Variants in ZDHHC3 observed in about 807,000 individuals in gnomAD.
ZDHHC3 encodes the protein palmitoyltransferase ZDHHC3.
ZDHHC3 carries 9 observed loss-of-function variants against 30.6 expected under a neutral mutation model. The ratio of observed to expected loss-of-function variants is 0.29; its 90% confidence interval spans 0.18 to 0.51. The LOEUF (loss-of-function observed/expected upper bound fraction) is 0.51, where lower values mean the gene tolerates loss of function less well. Ranked by LOEUF, ZDHHC3 falls within the 20% of genes least tolerant of loss-of-function variation. The pLI is 0.97. For synonymous variants in ZDHHC3, 136 were observed against 140.2 expected (o/e 0.97, Z 0.21); for missense variants, 246 against 384.2 (o/e 0.64, Z 3.01).
intron 2 of ZDHHC3, among the ~76,000 whole-genome samples, chr3:44,957,752 T>C (rs1474018554): frequency 6.6e-6 from 1 of 152,138 alleles, no homozygotes; most frequent in East Asian, 1.9e-4. Context: ...CCACCCTTGT[T>C]CTCCCACAGC....
rs114181298 is a variant in ZDHHC3, at chr3:44,923,081, G to T, written c.*3608C>A. On this transcript the variant is annotated 3_prime_UTR_variant, in exon 7 of 7. Transcript: ENST00000424952. ...CCTCACATACATGTTTAAAATGTTT[G>T]TTTTTTTTTTTTGAGACGGAGTCTC... 7,426 of 914,926 alleles carry T rather than the reference G, an allele frequency of 8.1e-3. 274 individuals are homozygous for T. In the African/African-American group the frequency reaches 0.11, roughly 14 times the overall value. 56.7% of individuals were successfully genotyped at this position (914,926 alleles called of 1,614,324 possible). A position where few individuals can be genotyped will look rare whatever the true frequency, so the allele number is the denominator to read the frequency against.
chr3:44,926,956 C>T (rs1230208656), intron 6 of ZDHHC3, 109 bp from the exon 7 acceptor site: 17 of 1,387,018 alleles, frequency 1.2e-5, no homozygotes, highest in Non-Finnish European at 1.4e-5. Flanking sequence ...CTTTTTAAAG[C>T]AACAAAGCTA....
Position 44,922,810 on chromosome 3 carries a change from T to C in ZDHHC3, c.*3879A>G. Reference sequence around the variant, plus strand: ...AACAAGTTCTCAGGTGATGCTGATGTTGACGTTGCTGGTCTGGCAACCTCA... The same window carrying C: ...AACAAGTTCTCAGGTGATGCTGATGCTGACGTTGCTGGTCTGGCAACCTCA... On this transcript the variant is annotated 3_prime_UTR_variant, in exon 7 of 7. Coordinates refer to ENST00000424952, the MANE Select transcript of ZDHHC3 (RefSeq NM_001135179.2). 1.0e-6 allele frequency: 1 copy of C among 985,346 alleles called. No homozygotes were observed. The highest frequency in any genetic ancestry group is 1.2e-6 in the Non-Finnish European group (1 of 829,876). The allele number at this position is 985,346 out of a possible 1,614,324, so 61.0% of individuals were successfully genotyped here. A position where few individuals can be genotyped will look rare whatever the true frequency, so the allele number is the denominator to read the frequency against.
At chr3:44,929,219 T>C in intron 6 of ZDHHC3, 87 bp downstream of exon 6, 1 of 1,530,896 alleles carries the variant, frequency 6.5e-7, no homozygotes, top group African/African-American at 1.4e-5. Flanking sequence ...GGCTCCAGTC[T>C]GACTGTGAGC....
rs958829502 is a variant in ZDHHC3, at chr3:44,925,403, G to A, written c.*1286C>T. 7.1e-6 allele frequency: 7 copies of A among 985,542 alleles called. No homozygotes were observed. The highest frequency in any genetic ancestry group is 4.7e-5 in the South Asian group (1 of 21,296). The allele number at this position is 985,542 out of a possible 1,614,324, so 61.0% of individuals were successfully genotyped here. A position where few individuals can be genotyped will look rare whatever the true frequency, so the allele number is the denominator to read the frequency against. ...ACAAATCAATGTGTGAGAATTCCCC[G>A]ATGGTCAATAATCATATTTGTTATT... On this transcript the variant is annotated 3_prime_UTR_variant, in exon 7 of 7. Transcript: ENST00000424952.
In ZDHHC3 at chr3:44,932,614, A is replaced by G. The variant is rs149150119; in HGVS notation, c.610+504T>C. On this transcript the variant is annotated intron_variant, in intron 5 of 6. Transcript: ENST00000424952. ...TCTAAAGCAGGAAGAATTATCTACAATCTTAATGTAAATTCACGATTATCA... is the reference window on the plus strand; with the variant it reads ...TCTAAAGCAGGAAGAATTATCTACAGTCTTAATGTAAATTCACGATTATCA... Among the ~76,000 whole-genome samples the G allele has an allele frequency of 3.4e-3, 511 of 152,332 alleles. 2 individuals are homozygous for G. Among genetic ancestry groups the G allele is most frequent in the African/African-American group, 0.011 (463 of 41,572 alleles).
intron 3 of ZDHHC3, among the ~76,000 whole-genome samples, chr3:44,940,369 G>A (rs572776496): frequency 3.3e-4 from 50 of 152,256 alleles, no homozygotes; most frequent in African/African-American, 1.2e-3. Context: ...CATCTTCCCC[G>A]TTTTGGCTGT....
At position 44,922,575 on chromosome 3, in the gene ZDHHC3, C is replaced by T; in HGVS notation, c.*4114G>A. 1.0e-6 allele frequency: 1 copy of T among 985,402 alleles called. No individual in the cohort carries two copies. The highest frequency in any genetic ancestry group is 1.2e-6 in the Non-Finnish European group (1 of 829,928). 61.0% of individuals were successfully genotyped at this position (985,402 alleles called of 1,614,324 possible). A position where few individuals can be genotyped will look rare whatever the true frequency, so the allele number is the denominator to read the frequency against. ...TGCCTGTCTCACAATCAGCACACCC[C>T]AACTGCACTATGCTGAGCCCAGCAG... On this transcript the variant is annotated 3_prime_UTR_variant, in exon 7 of 7. Coordinates refer to ENST00000424952, the MANE Select transcript of ZDHHC3 (RefSeq NM_001135179.2).
Position 44,917,919 on chromosome 3 carries a change from G to A in ZDHHC3, c.*8770C>T, listed in dbSNP as rs927227326. 1 of 1,304,320 alleles carries A rather than the reference G, an allele frequency of 7.7e-7. No individual in the cohort carries two copies. Among genetic ancestry groups the A allele is most frequent in the African/African-American group, 1.5e-5 (1 of 65,860 alleles). The allele number at this position is 1,304,320 out of a possible 1,614,324, so 80.8% of individuals were successfully genotyped here. A position where few individuals can be genotyped will look rare whatever the true frequency, so the allele number is the denominator to read the frequency against. ...TCTATTCATCTGTCACCTCCACAGA[G>A]TCCTCGTCCTTTGTCTCCTCTGATG... On this transcript the variant is annotated 3_prime_UTR_variant, in exon 7 of 7. Coordinates refer to ENST00000424952, the MANE Select transcript of ZDHHC3 (RefSeq NM_001135179.2).
At chr3:44,950,379 A>G (rs1400029990) in intron 2 of ZDHHC3, among the ~76,000 whole-genome samples, 1 of 152,214 alleles carries the variant, frequency 6.6e-6, no homozygotes, top group African/African-American at 2.4e-5. Context: ...TGTAAGCCCC[A>G]GGGGACCCTG....
At chr3:44,963,826 C>A (rs779856274) in intron 1 of ZDHHC3, among the ~76,000 whole-genome samples, 10 of 152,208 alleles carry the variant, frequency 6.6e-5, no homozygotes. Context: ...TCCTTCACCC[C>A]GGCCCCTTGC....
At chr3:44,974,959 T>C (rs1420457233) in intron 1 of ZDHHC3, among the ~76,000 whole-genome samples, 1 of 152,190 alleles carries the variant, frequency 6.6e-6, no homozygotes, top group Non-Finnish European at 1.5e-5. Flanking sequence ...TATGTTTTAC[T>C]TGTCTTGTGT....
In ZDHHC3 at chr3:44,920,988, T is replaced by C. The variant is rs1700550242; in HGVS notation, c.*5701A>G. ...TGAGTTTTGTGTGGATTTAAAGGGA[T>C]CCTGCAGGCAAAGTTCTTAAGCTTG... On this transcript the variant is annotated 3_prime_UTR_variant, in exon 7 of 7. Coordinates refer to ENST00000424952, the MANE Select transcript of ZDHHC3 (RefSeq NM_001135179.2). 2.1e-5 allele frequency: 21 copies of C among 985,344 alleles called. No homozygotes were observed. Among genetic ancestry groups the C allele is most frequent in the Non-Finnish European group, 2.4e-5 (20 of 829,948 alleles). The allele number at this position is 985,344 out of a possible 1,614,324, so 61.0% of individuals were successfully genotyped here.
chr3:44,962,337 C>A (rs1021091992), intron 1 of ZDHHC3, among the ~76,000 whole-genome samples: 1 of 152,056 alleles, frequency 6.6e-6, no homozygotes, highest in South Asian at 2.1e-4. Context: ...GACAATGATT[C>A]GACTAAACAA....
At chr3:44,957,440 T>C (rs1417698032) in intron 2 of ZDHHC3, among the ~76,000 whole-genome samples, 1 of 152,246 alleles carries the variant, frequency 6.6e-6, no homozygotes, top group East Asian at 1.9e-4. Context: ...AGAAAGAGAC[T>C]TGTAAAATGA....
chr3:44,924,918 G>C lies in ZDHHC3; in HGVS notation c.*1771C>G. The C allele has an allele frequency of 1.0e-6, 1 of 985,554 alleles. No homozygotes were observed. The highest frequency in any genetic ancestry group is 1.2e-6 in the Non-Finnish European group (1 of 829,950). The allele number at this position is 985,554 out of a possible 1,614,324, so 61.1% of individuals were successfully genotyped here. A position where few individuals can be genotyped will look rare whatever the true frequency, so the allele number is the denominator to read the frequency against. On this transcript the variant is annotated 3_prime_UTR_variant, in exon 7 of 7. Transcript: ENST00000424952. ...ACACGAGGTAAAGTTAACTGACTCA[G>C]GAAAGCTCTTAGGAGAGCCCATCAG...
chr3:44,932,612 C>T (rs894614987), intron 5 of ZDHHC3, among the ~76,000 whole-genome samples: 3 of 152,158 alleles, frequency 2.0e-5, no homozygotes, highest in Non-Finnish European at 4.4e-5. Flanking sequence ...GAATTATCTA[C>T]AATCTTAATG....
chr3:44,945,618 T>C (rs1015634885), intron 2 of ZDHHC3, among the ~76,000 whole-genome samples: 4 of 152,054 alleles, frequency 2.6e-5, no homozygotes, highest in Admixed American at 6.6e-5. Context: ...AGTGGTGTGG[T>C]GTAATCTCGG....
At chr3:44,968,961 G>A (rs1032505738) in intron 1 of ZDHHC3, among the ~76,000 whole-genome samples, 3 of 152,158 alleles carry the variant, frequency 2.0e-5, no homozygotes, top group Non-Finnish European at 2.9e-5. Flanking sequence ...TTGTTTTCTA[G>A]GTCTAATGGA....
Sources: gnomAD v4.1 joint callset for allele counts (sites outside exome capture counted in the v4.1 genomes callset) on GRCh38, gnomAD v4.1.1 for gene constraint, MANE v1.5 for transcripts, NCBI Gene and HGNC (gene_info 2026-07-23, HGNC 2026-07-21) for gene names.